DOCK9: variants seen among roughly 807,000 people sequenced by gnomAD.
DOCK9 encodes dedicator of cytokinesis 9, also known as dedicator of cytokinesis protein 9.
Under a neutral mutation model 263.3 loss-of-function variants are expected in DOCK9, and 89 were observed. That is an observed-to-expected ratio of 0.34 (90% CI 0.28 to 0.40). The LOEUF (loss-of-function observed/expected upper bound fraction) is 0.40. DOCK9 is among the 10% of genes least tolerant of loss of function. The pLI is 1.00. For synonymous variants in DOCK9, 976 were observed against 973.1 expected (o/e 1.00, Z -0.06); for missense variants, 2,140 against 2,603.4 (o/e 0.82, Z 3.87).
upstream of DOCK9, chr13:98,978,158 A>T: frequency 1.5e-6 from 2 of 1,303,246 alleles, no homozygotes; most frequent in Non-Finnish European, 2.0e-6. Flanking sequence ...CCAAAGGAAA[A>T]CAAACTCCAA....
At chr13:98,879,859 T>C (rs754595715) in intron 27 of DOCK9, 39 bp downstream of exon 27, 3 of 1,534,804 alleles carry the variant, frequency 2.0e-6, no homozygotes, top group Non-Finnish European at 2.7e-6. Context: ...GAGATTTCTT[T>C]TCCCCTAAGA....
At chr13:98,975,454 G>C (rs1226758438) in intron 1 of DOCK9, among the ~76,000 whole-genome samples, 1 of 142,376 alleles carries the variant, frequency 7.0e-6, no homozygotes, top group Non-Finnish European at 1.5e-5. Flanking sequence ...TACCATAATA[G>C]TATATTCTCT....
intron 1 of DOCK9, among the ~76,000 whole-genome samples, chr13:98,969,047 T>A (rs908286684): frequency 6.6e-5 from 10 of 152,212 alleles, no homozygotes; most frequent in African/African-American, 2.2e-4. Flanking sequence ...GGGTTTCAGG[T>A]ACGGCTGCCA....
At chr13:98,904,374 G>A (rs1457546889) in intron 10 of DOCK9, among the ~76,000 whole-genome samples, 3 of 152,156 alleles carry the variant, frequency 2.0e-5, no homozygotes, top group Non-Finnish European at 4.4e-5. Flanking sequence ...TAAATTAGAT[G>A]TTCTTTGTGA....
At chr13:98,924,225 G>A (rs2052552482) in intron 4 of DOCK9, among the ~76,000 whole-genome samples, 1 of 152,184 alleles carries the variant, frequency 6.6e-6, no homozygotes, top group Non-Finnish European at 1.5e-5. Context: ...TACTAGGAGG[G>A]AGTGTTCCTG....
Position 98,838,453 on chromosome 13 carries a change from G to A in DOCK9, c.4199-844C>T, listed in dbSNP as rs567436610. ...TCAAGAGTTGACTGCGCTGTGCATAGTATTCTACTTGCTTTAAGAAAAAGC... is the reference window on the plus strand; with the variant it reads ...TCAAGAGTTGACTGCGCTGTGCATAATATTCTACTTGCTTTAAGAAAAAGC... On this transcript the variant is annotated intron_variant, in intron 38 of 52. Coordinates refer to ENST00000682017, the MANE Select transcript of DOCK9 (RefSeq NM_001366683.2). 5.9e-5 allele frequency among the ~76,000 whole-genome samples: 9 copies of A among 152,320 alleles called. No individual in the cohort carries two copies. In the South Asian group the frequency reaches 1.7e-3, roughly 28 times the overall value.
chr13:98,933,273 T>C (rs1358839153), intron 2 of DOCK9, among the ~76,000 whole-genome samples: 1 of 152,168 alleles, frequency 6.6e-6, no homozygotes, highest in Non-Finnish European at 1.5e-5. Context: ...GAAACTTTAA[T>C]TATGGGACAC....
chr13:99,023,239 AT>A (rs1886325800), intron 1 of DOCK9, among the ~76,000 whole-genome samples: 1 of 152,268 alleles, frequency 6.6e-6, no homozygotes, highest in Non-Finnish European at 1.5e-5. Context: ...TGAAGTGTCC[AT>A]CAGTGGATGA....
chr13:99,076,519 G>GCCTCAAACCA (rs1198977188), intron 1 of DOCK9, among the ~76,000 whole-genome samples: 1 of 152,168 alleles, frequency 6.6e-6, no homozygotes, highest in East Asian at 1.9e-4. Context: ...CAGCCTCAAA[G>GCCTCAAACCA]TGATACACAT....
At chr13:98,951,902 C>CTTTTTTTT (rs1487979076) in intron 2 of DOCK9, among the ~76,000 whole-genome samples, 1 of 97,798 alleles carries the variant, frequency 1.0e-5, no homozygotes, top group East Asian at 4.1e-4. Flanking sequence ...ATTAATATTC[C>CTTTTTTTT]CTTTTTTTTT....
intron 9 of DOCK9, among the ~76,000 whole-genome samples, chr13:98,910,928 G>A (rs2049911028): frequency 6.6e-6 from 1 of 151,996 alleles, no homozygotes; most frequent in Non-Finnish European, 1.5e-5. Flanking sequence ...TTCCTAATGG[G>A]ATGACCAACA....
At chr13:98,882,909 C>T in intron 23 of DOCK9, 133 bp downstream of exon 23, 1 of 697,708 alleles carries the variant, frequency 1.4e-6, no homozygotes, top group Non-Finnish European at 2.4e-6. Context: ...CTATCTAAAC[C>T]TCATAGAAGC....
intron 1 of DOCK9, among the ~76,000 whole-genome samples, chr13:99,078,232 T>G (rs896423073): frequency 6.6e-6 from 1 of 152,038 alleles, no homozygotes; most frequent in East Asian, 1.9e-4. Flanking sequence ...GAATCAGAAC[T>G]GAGATAAAAC....
intron 1 of DOCK9, among the ~76,000 whole-genome samples, chr13:98,989,346 G>GATAATAATAATAATAATA (rs777442315): frequency 1.7e-5 from 1 of 60,070 alleles, no homozygotes; most frequent in Non-Finnish European, 4.0e-5. Flanking sequence ...TGATGATGAT[G>GATAATAATAATAATAATA]ATAATAATAA....
At chr13:99,063,245 G>T (rs1218127323) in intron 1 of DOCK9, among the ~76,000 whole-genome samples, 1 of 152,252 alleles carries the variant, frequency 6.6e-6, no homozygotes, top group African/African-American at 2.4e-5. Flanking sequence ...GGGTCATACT[G>T]AAAGATGTCG....
chr13:98,910,904 C>G (rs116957092), intron 9 of DOCK9, among the ~76,000 whole-genome samples: 25,946 of 152,002 alleles, frequency 0.17, 3,081 homozygotes, highest in East Asian at 0.43. Context: ...ATTCTGTAAC[C>G]ATGGAATCCA....
At chr13:99,073,826 C>T (rs554376279) in intron 1 of DOCK9, among the ~76,000 whole-genome samples, 13 of 152,316 alleles carry the variant, frequency 8.5e-5, no homozygotes, top group African/African-American at 2.9e-4. Context: ...ACTTTCTTAA[C>T]GACATCTGGG....
intron 2 of DOCK9, among the ~76,000 whole-genome samples, chr13:98,952,937 T>A (rs2057617900): frequency 6.6e-6 from 1 of 152,236 alleles, no homozygotes. Flanking sequence ...CTTTTCCATA[T>A]GAAATAAAAC....
chr13:98,916,178 A>G (rs1012272729), intron 7 of DOCK9, among the ~76,000 whole-genome samples: 2 of 152,210 alleles, frequency 1.3e-5, no homozygotes, highest in Admixed American at 6.5e-5. Flanking sequence ...GGATTTCTCA[A>G]TCTCGGTACT....
Sources: gnomAD v4.1 joint callset for allele counts (sites outside exome capture counted in the v4.1 genomes callset) on GRCh38, gnomAD v4.1.1 for gene constraint, MANE v1.5 for transcripts, NCBI Gene and HGNC (gene_info 2026-07-23, HGNC 2026-07-21) for gene names.